Variants in PDE4D observed in about 807,000 individuals in gnomAD.
The protein encoded by PDE4D is phosphodiesterase 4D, also known as 3',5'-cyclic-AMP phosphodiesterase 4D.
Under a neutral mutation model 87.4 loss-of-function variants are expected in PDE4D, and 24 were observed. That is an observed-to-expected ratio of 0.27 (90% CI 0.20 to 0.39). PDE4D has a LOEUF of 0.39. PDE4D is among the 10% of genes least tolerant of loss of function. The pLI, the probability that PDE4D is intolerant of heterozygous loss-of-function variation, is 1.00. For synonymous variants in PDE4D, 384 were observed against 383.2 expected (o/e 1.00, Z -0.02); for missense variants, 714 against 1,041.0 (o/e 0.69, Z 4.32).
At chr5:59,574,080 A>T (rs1206091290) in intron 1 of PDE4D, among the ~76,000 whole-genome samples, 99 of 3,134 alleles carry the variant, frequency 0.032, 2 homozygotes, top group Admixed American at 0.073. Flanking sequence ...ATTTATATAT[A>T]TATTTATATA....
chr5:59,389,833 G>A (rs557019639), intron 1 of PDE4D, among the ~76,000 whole-genome samples: 1 of 152,206 alleles, frequency 6.6e-6, no homozygotes, highest in Admixed American at 6.5e-5. Flanking sequence ...TAGAATGATG[G>A]TTACCAGAGG....
At chr5:59,687,740 G>C (rs1750141203) in intron 1 of PDE4D, among the ~76,000 whole-genome samples, 1 of 152,046 alleles carries the variant, frequency 6.6e-6, no homozygotes, top group African/African-American at 2.4e-5. Context: ...AATGTAAATG[G>C]GCTAAATGCT....
At chr5:60,207,111 G>A (rs1377339839) in intron 1 of PDE4D, among the ~76,000 whole-genome samples, 2 of 152,226 alleles carry the variant, frequency 1.3e-5, no homozygotes, top group African/African-American at 4.8e-5. Context: ...ATTCATGCCT[G>A]AAAGGAACAT....
rs181872649 is a variant in PDE4D, at chr5:59,929,008, G to A, written c.272+59480C>T. Among the ~76,000 whole-genome samples the A allele has an allele frequency of 1.8e-3, 266 of 151,868 alleles. 3 individuals are homozygous for A. The highest frequency in any genetic ancestry group is 3.0e-3 in the Non-Finnish European group (205 of 67,912). ...TTAACATTTTTTGCTGTAGTAAAAA[G>A]GGCTTAAATAAGGATTCTTTTCTGA... On this transcript the variant is annotated intron_variant, in intron 3 of 16. Transcript: ENST00000502484.
intron 5 of PDE4D, among the ~76,000 whole-genome samples, chr5:59,170,096 T>TC (rs1345451126): frequency 6.6e-6 from 1 of 152,158 alleles, no homozygotes; most frequent in African/African-American, 2.4e-5. Context: ...AGTGGCATGA[T>TC]CATGGTTCAC....
intron 1 of PDE4D, among the ~76,000 whole-genome samples, chr5:59,350,957 G>A (rs1195056181): frequency 6.6e-6 from 1 of 152,116 alleles, no homozygotes; most frequent in Non-Finnish European, 1.5e-5. Flanking sequence ...TTGCTTATAA[G>A]GTAACCATTT....
intron 1 of PDE4D, among the ~76,000 whole-genome samples, chr5:59,807,726 T>C (rs1487202142): frequency 6.6e-6 from 1 of 152,218 alleles, no homozygotes; most frequent in Non-Finnish European, 1.5e-5. Context: ...TTGAACTTGA[T>C]CTTCCAGGTC....
intron 1 of PDE4D, among the ~76,000 whole-genome samples, chr5:60,409,278 A>T (rs1741839553): frequency 6.6e-6 from 1 of 152,172 alleles, no homozygotes; most frequent in African/African-American, 2.4e-5. Flanking sequence ...ACAGGGCTTC[A>T]GGTGACAGAG....
chr5:60,318,681 TG>T (rs1755887769), intron 1 of PDE4D, among the ~76,000 whole-genome samples: 2 of 152,282 alleles, frequency 1.3e-5, no homozygotes, highest in African/African-American at 2.4e-5. Flanking sequence ...GCAGCCCTGG[TG>T]GTGACAAAAT....
At chr5:59,230,670 C>T (rs972608611) in intron 1 of PDE4D, among the ~76,000 whole-genome samples, 4 of 152,068 alleles carry the variant, frequency 2.6e-5, no homozygotes, top group Admixed American at 1.3e-4. Flanking sequence ...CTAATGGATA[C>T]GAAAACTCAT....
chr5:59,525,772 G>A (rs1813007349), intron 1 of PDE4D, among the ~76,000 whole-genome samples: 1 of 152,146 alleles, frequency 6.6e-6, no homozygotes, highest in Non-Finnish European at 1.5e-5. Flanking sequence ...TCATGATAGT[G>A]AGTGACTTCT....
At chr5:59,128,298 AG>A in intron 5 of PDE4D, among the ~76,000 whole-genome samples, 1 of 152,138 alleles carries the variant, frequency 6.6e-6, no homozygotes, top group East Asian at 1.9e-4. Flanking sequence ...AAGAAATAGG[AG>A]GTTGGGAGGA....
intron 1 of PDE4D, among the ~76,000 whole-genome samples, chr5:60,312,910 T>A (rs183893506): frequency 6.6e-6 from 1 of 152,218 alleles, no homozygotes; most frequent in East Asian, 1.9e-4. Flanking sequence ...AGAATCTCTA[T>A]CTTATCAATA....
chr5:60,274,621 A>G (rs1031351609), intron 1 of PDE4D, among the ~76,000 whole-genome samples: 2 of 152,194 alleles, frequency 1.3e-5, no homozygotes, highest in South Asian at 2.1e-4. Context: ...TCAGCCTCCC[A>G]AAGTGCTGGG....
chr5:59,139,121 T>G (rs1304199636), intron 5 of PDE4D, among the ~76,000 whole-genome samples: 2 of 152,066 alleles, frequency 1.3e-5, no homozygotes, highest in African/African-American at 4.8e-5. Context: ...CAATGAGTGC[T>G]TTGGAAGGAA....
At chr5:59,876,301 T>G (rs1748597926) in intron 1 of PDE4D, among the ~76,000 whole-genome samples, 3 of 152,168 alleles carry the variant, frequency 2.0e-5, no homozygotes, top group Admixed American at 2.0e-4. Context: ...GGAAATATGA[T>G]AATGATGATG....
intron 1 of PDE4D, among the ~76,000 whole-genome samples, chr5:59,235,803 T>C (rs1036165453): frequency 6.6e-6 from 1 of 152,124 alleles, no homozygotes; most frequent in Non-Finnish European, 1.5e-5. Context: ...GTCCTTCATT[T>C]TGGTACTCTT....
chr5:59,794,362 A>G (rs1766209072), intron 1 of PDE4D, among the ~76,000 whole-genome samples: 1 of 152,196 alleles, frequency 6.6e-6, no homozygotes, highest in African/African-American at 2.4e-5. Context: ...CTTCTCTAAG[A>G]TGCTCATGAA....
chr5:59,072,714 G>A (rs953577055), intron 5 of PDE4D, among the ~76,000 whole-genome samples: 2 of 152,144 alleles, frequency 1.3e-5, no homozygotes, highest in Non-Finnish European at 2.9e-5. Flanking sequence ...AGGTCTTCAT[G>A]TTGTTTTTTT....
Sources: allele counts gnomAD v4.1 joint callset (sites outside exome capture counted in the v4.1 genomes callset), GRCh38; gene constraint gnomAD v4.1.1; transcripts MANE v1.5; gene names NCBI Gene and HGNC (gene_info 2026-07-23, HGNC 2026-07-21).